Variants in ARHGEF33 observed in about 807,000 individuals in gnomAD.
ARHGEF33 encodes the protein DH and coiled-coil domain-containing protein ENSP00000381780.
In ARHGEF33, 72 loss-of-function variants were observed where a neutral mutation model predicts 101.9. The observed-to-expected ratio is 0.71, with a 90% CI of 0.58 to 0.86. The LOEUF (loss-of-function observed/expected upper bound fraction) is 0.86. ARHGEF33 is among the 40% of genes least tolerant of loss of function. ARHGEF33 has a pLI of 0.00. For missense variants in ARHGEF33, 1,169 were observed against 1,111.3 expected (o/e 1.05, Z -0.74); for synonymous variants, 499 against 442.5 (o/e 1.13, Z -1.60).
chr2:38,923,243 C>T (rs1006050220), intron 4 of ARHGEF33, among the ~76,000 whole-genome samples: 3 of 152,202 alleles, frequency 2.0e-5, no homozygotes, highest in Non-Finnish European at 4.4e-5. Flanking sequence ...ATAACCCCAT[C>T]CTTGTTTTAA....
chr2:38,936,229 T>C (rs114764116), intron 8 of ARHGEF33, among the ~76,000 whole-genome samples: 19 of 152,236 alleles, frequency 1.2e-4, no homozygotes, highest in African/African-American at 4.3e-4. Flanking sequence ...GACTAAATAA[T>C]AGAAAAGAAA....
At chr2:38,942,535 A>G (rs893822224) in intron 9 of ARHGEF33, among the ~76,000 whole-genome samples, 24 of 108,636 alleles carry the variant, frequency 2.2e-4, no homozygotes, top group African/African-American at 7.1e-4. Flanking sequence ...AATTTTTTCT[A>G]TCTTTTAAGC....
At chr2:38,970,085 G>C (rs942553745) in intron 17 of ARHGEF33, among the ~76,000 whole-genome samples, 2 of 152,166 alleles carry the variant, frequency 1.3e-5, no homozygotes, top group Non-Finnish European at 2.9e-5. Flanking sequence ...TAAATTTTGG[G>C]ATAGTGGAAG....
intron 5 of ARHGEF33, 99 bp from the exon 6 acceptor site, chr2:38,929,610 A>C: frequency 1.1e-6 from 1 of 941,420 alleles, no homozygotes; most frequent in Non-Finnish European, 1.4e-6. Flanking sequence ...TCATTCATTC[A>C]TTCAATAAAT....
At chr2:38,898,081 A>G (rs373685302) in intron 2 of ARHGEF33, among the ~76,000 whole-genome samples, 7 of 152,370 alleles carry the variant, frequency 4.6e-5, no homozygotes, top group Non-Finnish European at 7.3e-5. Flanking sequence ...CAGAAAGTCT[A>G]TATTAGTGCA....
intron 2 of ARHGEF33, among the ~76,000 whole-genome samples, chr2:38,917,984 A>G (rs1232891915): frequency 6.6e-6 from 1 of 152,136 alleles, no homozygotes; most frequent in African/African-American, 2.4e-5. Flanking sequence ...TTAATCTTGG[A>G]TAGTGTTCAT....
intron 2 of ARHGEF33, among the ~76,000 whole-genome samples, chr2:38,916,297 G>A (rs79882910): frequency 0.054 from 8,194 of 152,166 alleles, 261 homozygotes; most frequent in Middle Eastern, 0.061. Flanking sequence ...TCTAAAGACC[G>A]TTTTTAAAGC....
chr2:38,959,571 C>G, intron 15 of ARHGEF33: 1 of 369,666 alleles, frequency 2.7e-6, no homozygotes, highest in Non-Finnish European at 4.9e-6. Flanking sequence ...AGGGTCAGGG[C>G]TTCCACGCGG....
At chr2:38,956,097 G>T (rs935839492) in intron 13 of ARHGEF33, among the ~76,000 whole-genome samples, 78 of 152,258 alleles carry the variant, frequency 5.1e-4, no homozygotes, top group African/African-American at 1.8e-3. Flanking sequence ...AAGAGAAAAT[G>T]CAGGGCCAAA....
At chr2:38,958,555 G>C (rs1412505183) in intron 15 of ARHGEF33, among the ~76,000 whole-genome samples, 2 of 152,124 alleles carry the variant, frequency 1.3e-5, no homozygotes, top group East Asian at 3.8e-4. Flanking sequence ...CTCTGCGTAT[G>C]GAAAATAAAA....
At chr2:38,897,531 G>A (rs1666148125) in intron 2 of ARHGEF33, among the ~76,000 whole-genome samples, 1 of 152,148 alleles carries the variant, frequency 6.6e-6, no homozygotes, top group African/African-American at 2.4e-5. Context: ...TTATTTTTGA[G>A]AGAGTAATTA....
intron 10 of ARHGEF33, among the ~76,000 whole-genome samples, chr2:38,947,375 G>T (rs570832601): frequency 6.6e-6 from 1 of 152,184 alleles, no homozygotes; most frequent in Non-Finnish European, 1.5e-5. Flanking sequence ...GAACTTGAGG[G>T]CTATGATTCA....
chr2:38,961,871 T>G (rs1381813293), intron 16 of ARHGEF33, among the ~76,000 whole-genome samples: 1 of 151,584 alleles, frequency 6.6e-6, no homozygotes, highest in Non-Finnish European at 1.5e-5. Context: ...AGAAGTTGGC[T>G]AGGGGAAGAG....
At chr2:38,961,997 C>G (rs184971629) in intron 16 of ARHGEF33, among the ~76,000 whole-genome samples, 11 of 152,224 alleles carry the variant, frequency 7.2e-5, no homozygotes, top group African/African-American at 2.6e-4. Flanking sequence ...CATGAAGAGC[C>G]TTGGAGCTTG....
chr2:38,957,995 C>T (rs1247991143), intron 14 of ARHGEF33, 39 bp from the exon 15 acceptor site: 1 of 1,549,600 alleles, frequency 6.5e-7, no homozygotes, highest in African/African-American at 1.4e-5. Context: ...GCCAGTTTGC[C>T]ACTGTACAAC....
chr2:38,912,355 G>T (rs1325414146), intron 2 of ARHGEF33, among the ~76,000 whole-genome samples: 1 of 152,192 alleles, frequency 6.6e-6, no homozygotes, highest in East Asian at 1.9e-4. Flanking sequence ...AGTACAAAAT[G>T]AAGAGCAGAC....
At chr2:38,921,078 T>C (rs1012310306) in intron 3 of ARHGEF33, among the ~76,000 whole-genome samples, 1 of 152,320 alleles carries the variant, frequency 6.6e-6, no homozygotes, top group East Asian at 1.9e-4. Flanking sequence ...GCAAATTCCT[T>C]TGTGGCTATT....
At chr2:38,928,883 A>T in intron 4 of ARHGEF33, 24 bp from the exon 5 acceptor site, 1 of 1,530,680 alleles carries the variant, frequency 6.5e-7, no homozygotes, top group Admixed American at 2.2e-5. Context: ...AGCAAATTGA[A>T]TTAACTTTTC....
chr2:38,891,948 A>G (rs1666014667), intron 1 of ARHGEF33, among the ~76,000 whole-genome samples: 1 of 152,352 alleles, frequency 6.6e-6, no homozygotes, highest in Admixed American at 6.5e-5. Flanking sequence ...AAATGCTAAT[A>G]TTACAGAGAG....
Sources: gnomAD v4.1 joint callset for allele counts (sites outside exome capture counted in the v4.1 genomes callset) on GRCh38, gnomAD v4.1.1 for gene constraint, MANE v1.5 for transcripts, NCBI Gene and HGNC (gene_info 2026-07-23, HGNC 2026-07-21) for gene names.